The following ANKRD28 variants were observed in gnomAD, a reference collection of about 807,000 sequenced individuals.
ANKRD28 encodes the protein ankyrin repeat domain 28.
A neutral mutation model predicts 126.5 loss-of-function variants in ANKRD28; 44 were observed. The observed-to-expected ratio is 0.35, with a 90% CI of 0.27 to 0.45. ANKRD28 has a LOEUF of 0.45. ANKRD28 is among the 20% of genes least tolerant of loss of function. ANKRD28 has a pLI of 1.00. For missense variants in ANKRD28, 1,110 were observed against 1,316.6 expected (o/e 0.84, Z 2.43); for synonymous variants, 442 against 468.5 (o/e 0.94, Z 0.73).
chr3:15,782,251 A>G (rs529312727), intron 2 of ANKRD28, among the ~76,000 whole-genome samples: 22 of 152,238 alleles, frequency 1.4e-4, no homozygotes, highest in Non-Finnish European at 3.1e-4. Context: ...GGGAAAACTA[A>G]TAATTCCTGG....
chr3:15,712,287 C>T (rs2072411272), intron 10 of ANKRD28, 65 bp from the exon 11 acceptor site: 2 of 1,273,990 alleles, frequency 1.6e-6, no homozygotes, highest in Non-Finnish European at 1.1e-6. Flanking sequence ...CAGTTAAATA[C>T]ATTACAAAGA....
At chr3:15,672,059 T>TTA (rs1368346741) in intron 27 of ANKRD28, among the ~76,000 whole-genome samples, 1 of 152,212 alleles carries the variant, frequency 6.6e-6, no homozygotes, top group Non-Finnish European at 1.5e-5. Flanking sequence ...TATGGTTTAG[T>TTA]TATACATTTC....
chr3:15,702,659 T>C (rs10510442), intron 14 of ANKRD28, among the ~76,000 whole-genome samples: 3,782 of 152,236 alleles, frequency 0.025, 167 homozygotes, highest in African/African-American at 0.084. Context: ...TTTTGAGTTC[T>C]GAGGCAAGTT....
intron 1 of ANKRD28, among the ~76,000 whole-genome samples, chr3:15,842,934 G>A (rs570668442): frequency 2.8e-4 from 42 of 152,218 alleles, no homozygotes; most frequent in African/African-American, 8.7e-4. Context: ...TAGCACACCC[G>A]GACAGAAACA....
chr3:15,836,515 C>T (rs1414569696), intron 1 of ANKRD28, among the ~76,000 whole-genome samples: 6 of 152,204 alleles, frequency 3.9e-5, no homozygotes, highest in Middle Eastern at 6.8e-3. Flanking sequence ...GGATTAAACA[C>T]TCCATTAAAA....
intron 8 of ANKRD28, among the ~76,000 whole-genome samples, chr3:15,719,569 A>G (rs1232222417): frequency 6.6e-6 from 1 of 152,216 alleles, no homozygotes; most frequent in Non-Finnish European, 1.5e-5. Context: ...TTATTTGGGT[A>G]CAGAATATTC....
At chr3:15,799,085 C>A (rs1486556719), upstream of ANKRD28, among the ~76,000 whole-genome samples, 1 of 151,942 alleles carries the variant, frequency 6.6e-6, no homozygotes, top group Non-Finnish European at 1.5e-5. Flanking sequence ...TCTTTCTAAT[C>A]TATTCTGCTA....
chr3:15,809,562 G>A (rs1473562942), intron 1 of ANKRD28, among the ~76,000 whole-genome samples: 4 of 152,200 alleles, frequency 2.6e-5, no homozygotes, highest in African/African-American at 9.7e-5. Context: ...TTTCGGGATT[G>A]TGAGGACACA....
intron 11 of ANKRD28, 39 bp from the exon 12 acceptor site, chr3:15,711,313 T>A (rs755712610): frequency 2.0e-6 from 3 of 1,507,956 alleles, no homozygotes; most frequent in Middle Eastern, 1.7e-4. Flanking sequence ...ACAGACATAT[T>A]ATTTTACACT....
chr3:15,719,911 C>A (rs2124890372), intron 8 of ANKRD28, among the ~76,000 whole-genome samples: 1 of 152,186 alleles, frequency 6.6e-6, no homozygotes. Context: ...CACTCTGTCA[C>A]CCAGGCTGGA....
In ANKRD28 at chr3:15,696,201, C is replaced by T. The variant is rs757361546; in HGVS notation, c.1592G>A (p.Arg531His). 6.9e-5 allele frequency: 110 copies of T among 1,592,302 alleles called. No homozygotes were observed. Among genetic ancestry groups the T allele is most frequent in the Non-Finnish European group, 9.0e-5 (105 of 1,167,296 alleles). Residue 531 changes from arginine to histidine, a missense_variant, in exon 15 of 28, where the codon CGT becomes CAT. By Grantham distance (29) the Arg-to-His change is conservative. Transcript: ENST00000683139. ...AACTGCGTTGTATCCTTGCTTATCA[C>T]GGATCCCTGGATTTGCATCGTTTCT... ...LLRNDANPGIRDKQGYNAVHY... is the reference protein window; with the variant it reads ...LLRNDANPGIHDKQGYNAVHY...
intron 2 of ANKRD28, among the ~76,000 whole-genome samples, chr3:15,785,423 C>A (rs570636075): frequency 1.3e-5 from 2 of 152,160 alleles, no homozygotes; most frequent in East Asian, 1.9e-4. Context: ...AGACATTTCA[C>A]CAAAGAAGAT....
At chr3:15,700,239 T>C (rs936843286) in intron 14 of ANKRD28, among the ~76,000 whole-genome samples, 1 of 151,972 alleles carries the variant, frequency 6.6e-6, no homozygotes, top group Non-Finnish European at 1.5e-5. Flanking sequence ...TAAGTGGAAG[T>C]TGAGCAATGA....
upstream of ANKRD28, among the ~76,000 whole-genome samples, chr3:15,800,418 T>C (rs1008158011): frequency 2.0e-5 from 3 of 152,118 alleles, no homozygotes; most frequent in African/African-American, 7.2e-5. Context: ...TACTTCATAG[T>C]GTTGTGAAAT....
intron 9 of ANKRD28, 22 bp from the exon 10 acceptor site, chr3:15,713,663 C>T (rs1263812677): frequency 1.5e-5 from 23 of 1,510,160 alleles, no homozygotes; most frequent in Non-Finnish European, 1.9e-5. Flanking sequence ...GACTTACTGT[C>T]AGACACTGGA....
chr3:15,806,432 C>T lies in ANKRD28; in HGVS notation c.28-11126G>A, dbSNP rs13317877. Among the ~76,000 whole-genome samples, 276 of 152,218 alleles carry T rather than the reference C, an allele frequency of 1.8e-3. 1 individual carries two copies. The highest frequency in any genetic ancestry group is 6.1e-3 in the African/African-American group (254 of 41,532). On this transcript the variant is annotated intron_variant, in intron 1 of 27. Coordinates refer to the ANKRD28 transcript ENST00000399451. ...TAAGACTACTTATAAAACTTTCAAC[C>T]CCATATAGCTGATCTTAAAATTAGA...
chr3:15,795,454 T>C (rs1270699507), intron 1 of ANKRD28, 148 bp from the exon 2 acceptor site: 7 of 515,606 alleles, frequency 1.4e-5, no homozygotes, highest in Non-Finnish European at 2.4e-5. Flanking sequence ...AACCAAATCA[T>C]GTCAAAGTAC....
chr3:15,755,708 A>G lies in ANKRD28; in HGVS notation c.281-3888T>C, dbSNP rs180828588. Among the ~76,000 whole-genome samples, 63 of 152,338 alleles carry G rather than the reference A, an allele frequency of 4.1e-4. 1 individual carries two copies. Among genetic ancestry groups the G allele is most frequent in the African/African-American group, 1.4e-3 (60 of 41,586 alleles). On this transcript the variant is annotated intron_variant, in intron 3 of 27. Transcript: ENST00000683139. Reference sequence around the variant, plus strand: ...AGTCTTTGTAGAGAGAAATAAAACCAAATGTCGTTAACCGCCTCTGGTGGC... The same window carrying G: ...AGTCTTTGTAGAGAGAAATAAAACCGAATGTCGTTAACCGCCTCTGGTGGC...
intron 14 of ANKRD28, among the ~76,000 whole-genome samples, chr3:15,701,729 G>A (rs2070664403): frequency 6.6e-6 from 1 of 152,134 alleles, no homozygotes; most frequent in Admixed American, 6.5e-5. Flanking sequence ...CCCACGTCTG[G>A]CTCTAAGGTA....
Sources: allele counts gnomAD v4.1 joint callset (sites outside exome capture counted in the v4.1 genomes callset), GRCh38; gene constraint gnomAD v4.1.1; transcripts MANE v1.5; gene names NCBI Gene and HGNC (gene_info 2026-07-23, HGNC 2026-07-21).